The following CPED1 variants were observed in gnomAD, a reference collection of about 807,000 sequenced individuals.
CPED1 encodes the protein cadherin-like and PC-esterase domain-containing protein 1.
Under a neutral mutation model 128.2 loss-of-function variants are expected in CPED1, and 114 were observed. That is an observed-to-expected ratio of 0.89 (90% CI 0.76 to 1.04). The LOEUF is 1.04. CPED1 is among the 50% of genes least tolerant of loss of function. The pLI, the probability that CPED1 is intolerant of heterozygous loss-of-function variation, is 0.00. For missense variants in CPED1, 1,211 were observed against 1,207.1 expected (o/e 1.00, Z -0.05); for synonymous variants, 462 against 426.7 (o/e 1.08, Z -1.02).
intron 16 of CPED1, among the ~76,000 whole-genome samples, chr7:121,190,808 A>G (rs1797119449): frequency 6.6e-6 from 1 of 152,164 alleles, no homozygotes; most frequent in Non-Finnish European, 1.5e-5. Context: ...GAAGAAATGA[A>G]AGCAGCTCTG....
In CPED1 at chr7:121,140,985, G is replaced by C. The variant is rs1347785959; in HGVS notation, c.1858G>C (p.Val620Leu). 1.9e-6 allele frequency: 3 copies of C among 1,611,584 alleles called. No individual in the cohort carries two copies. The highest frequency in any genetic ancestry group is 2.5e-6 in the Non-Finnish European group (3 of 1,178,910). The change falls in exon 15 of 23, where the codon GTG becomes CTG. Residue 620 changes from valine to leucine, a missense_variant. Transcript: ENST00000310396. ...GGAAACTCCTAAGTGTCTGTGCAAGGTGCACCTGTACGAGCAGGCAGGGCC... is the reference window on the plus strand; with the variant it reads ...GGAAACTCCTAAGTGTCTGTGCAAGCTGCACCTGTACGAGCAGGCAGGGCC... ...GVETPKCLCK[V>L]HLYEQAGPSF...
intron 18 of CPED1, among the ~76,000 whole-genome samples, chr7:121,260,446 A>G (rs1000188170): frequency 6.6e-6 from 1 of 151,942 alleles, no homozygotes; most frequent in African/African-American, 2.4e-5. Context: ...AAATATCATT[A>G]GCCGTCTGAC....
intron 16 of CPED1, among the ~76,000 whole-genome samples, chr7:121,164,819 A>C (rs1298381565): frequency 1.3e-5 from 2 of 152,198 alleles, no homozygotes; most frequent in Non-Finnish European, 2.9e-5. Flanking sequence ...GAAAAGACTA[A>C]ATTTCAAGTA....
At chr7:121,089,055 G>C (rs932095230) in intron 5 of CPED1, among the ~76,000 whole-genome samples, 1 of 152,144 alleles carries the variant, frequency 6.6e-6, no homozygotes, top group African/African-American at 2.4e-5. Flanking sequence ...GTGAACTCTT[G>C]TGTTATATGT....
intron 3 of CPED1, among the ~76,000 whole-genome samples, chr7:121,031,236 G>T (rs1792723035): frequency 6.6e-6 from 1 of 152,134 alleles, no homozygotes; most frequent in South Asian, 2.1e-4. Flanking sequence ...ATATTTTAGA[G>T]ATTTGAGTTA....
chr7:121,069,183 AAGAT>A (rs1425419626), intron 5 of CPED1, among the ~76,000 whole-genome samples: 4 of 152,136 alleles, frequency 2.6e-5, no homozygotes, highest in African/African-American at 9.7e-5. Context: ...AGAAATATTA[AAGAT>A]AGATAGAGCA....
At chr7:121,136,115 G>T in intron 14 of CPED1, 25 bp downstream of exon 14, 1 of 1,539,960 alleles carries the variant, frequency 6.5e-7, no homozygotes, top group Non-Finnish European at 8.7e-7. Context: ...AAGTGTTGTA[G>T]CAGCATAATA....
At chr7:121,117,092 TATATATAA>T (rs1470925711) in intron 7 of CPED1, among the ~76,000 whole-genome samples, 3 of 143,502 alleles carry the variant, frequency 2.1e-5, no homozygotes, top group East Asian at 4.1e-4. Flanking sequence ...TATATATATA[TATATATAA>T]ATATATATAT....
At chr7:121,060,308 G>A (rs1476374377) in intron 4 of CPED1, among the ~76,000 whole-genome samples, 1 of 152,262 alleles carries the variant, frequency 6.6e-6, no homozygotes, top group Non-Finnish European at 1.5e-5. Context: ...CCACCCAAGG[G>A]CTGAGGAGTG....
At chr7:121,242,923 A>T (rs187131426) in intron 17 of CPED1, among the ~76,000 whole-genome samples, 204 of 152,116 alleles carry the variant, frequency 1.3e-3, no homozygotes, top group African/African-American at 4.3e-3. Context: ...TTCATATTTT[A>T]TATTAATAAC....
intron 2 of CPED1, among the ~76,000 whole-genome samples, chr7:120,996,008 G>A (rs1341967942): frequency 6.6e-6 from 1 of 150,734 alleles, no homozygotes; most frequent in Non-Finnish European, 1.5e-5. Flanking sequence ...TCTGGGAGTG[G>A]TGGCTCACAT....
chr7:121,241,347 C>CA (rs1030223751), intron 17 of CPED1, among the ~76,000 whole-genome samples: 64 of 5,540 alleles, frequency 0.012, 19 homozygotes, highest in East Asian at 0.016. Context: ...GACTCCGTCT[C>CA]AAAAAAAAAA....
At chr7:121,085,312 T>C (rs973165128) in intron 5 of CPED1, among the ~76,000 whole-genome samples, 4 of 152,232 alleles carry the variant, frequency 2.6e-5, no homozygotes, top group Non-Finnish European at 5.9e-5. Context: ...CATCCCACTG[T>C]ACTAGTCATT....
At chr7:121,146,500 C>T (rs1796027440) in intron 16 of CPED1, among the ~76,000 whole-genome samples, 1 of 152,066 alleles carries the variant, frequency 6.6e-6, no homozygotes, top group Non-Finnish European at 1.5e-5. Flanking sequence ...TTAATCAAGC[C>T]TCCTAATTTC....
intron 21 of CPED1, among the ~76,000 whole-genome samples, chr7:121,269,296 T>C (rs965832898): frequency 1.3e-4 from 20 of 152,064 alleles, no homozygotes; most frequent in African/African-American, 4.8e-4. Flanking sequence ...AACGGAAGGC[T>C]CCAGGTGCAT....
intron 10 of CPED1, 52 bp from the exon 11 acceptor site, chr7:121,128,330 C>T: frequency 6.0e-6 from 6 of 997,628 alleles, no homozygotes; most frequent in Non-Finnish European, 3.2e-6. Context: ...TTGGGTTGAA[C>T]ATGGTTTGAC....
chr7:121,172,373 A>AAT (rs911816630), intron 16 of CPED1, among the ~76,000 whole-genome samples: 1 of 150,332 alleles, frequency 6.7e-6, no homozygotes, highest in Non-Finnish European at 1.5e-5. Context: ...TCCTGACTGA[A>AAT]ATACTCTTGT....
At chr7:121,194,044 ATATATT>A (rs1228295343) in intron 16 of CPED1, among the ~76,000 whole-genome samples, 90 of 66,392 alleles carry the variant, frequency 1.4e-3, no homozygotes, top group African/African-American at 4.9e-3. Flanking sequence ...ATATATATAT[ATATATT>A]TTTTTTTTTT....
intron 5 of CPED1, chr7:121,076,471 G>C (rs910829147): frequency 6.6e-6 from 1 of 152,162 alleles, no homozygotes. Flanking sequence ...GGACAGGTTT[G>C]ACCCTTTCTT....
Sources: allele counts gnomAD v4.1 joint callset (sites outside exome capture counted in the v4.1 genomes callset), GRCh38; gene constraint gnomAD v4.1.1; transcripts MANE v1.5; gene names NCBI Gene and HGNC (gene_info 2026-07-23, HGNC 2026-07-21).